The following PLXNC1 variants were observed in gnomAD, a reference collection of about 807,000 sequenced individuals.
PLXNC1 encodes the protein plexin C1.
Under a neutral mutation model 178.2 loss-of-function variants are expected in PLXNC1, and 75 were observed. That is an observed-to-expected ratio of 0.42 (90% CI 0.35 to 0.51). PLXNC1 has a LOEUF of 0.51. Among genes scored for constraint, PLXNC1 ranks in the 20% least tolerant of loss-of-function variants. The pLI is 0.02. For synonymous variants in PLXNC1, 790 were observed against 779.9 expected (o/e 1.01, Z -0.22); for missense variants, 1,503 against 1,984.4 (o/e 0.76, Z 4.61).
intron 2 of PLXNC1, among the ~76,000 whole-genome samples, chr12:94,180,475 A>G (rs1389938950): frequency 6.6e-6 from 1 of 152,132 alleles, no homozygotes; most frequent in Non-Finnish European, 1.5e-5. Flanking sequence ...CCATACACAC[A>G]CAGGAATGTA....
chr12:94,263,201 C>T (rs541970575), intron 20 of PLXNC1, among the ~76,000 whole-genome samples: 13 of 152,068 alleles, frequency 8.5e-5, no homozygotes, highest in African/African-American at 3.1e-4. Context: ...TCCCCCACCG[C>T]CTCCCCGCCC....
chr12:94,280,071 T>C (rs955567130), intron 22 of PLXNC1: 1 of 343,018 alleles, frequency 2.9e-6, no homozygotes, highest in Non-Finnish European at 5.7e-6. Context: ...GCTCAGACTC[T>C]GGGTGTTAAC....
chr12:94,296,263 T>G (rs909593600), intron 24 of PLXNC1, among the ~76,000 whole-genome samples: 2 of 152,162 alleles, frequency 1.3e-5, no homozygotes, highest in African/African-American at 4.8e-5. Context: ...TGGGCTCAAA[T>G]GATCCTCCCA....
rs1373213516 is a variant in PLXNC1, at chr12:94,306,143, G to A, written c.*858G>A. On this transcript the variant is annotated 3_prime_UTR_variant, in exon 31 of 31. Coordinates refer to ENST00000258526, the MANE Select transcript of PLXNC1 (RefSeq NM_005761.3). ...TTTGATCAGAACGATCTGTGGAAGA[G>A]TAACTCCATTTCTATATGAGTGAGT... is the stretch of plus-strand genomic sequence containing the variant. The A allele has an allele frequency of 6.6e-6, 1 of 151,970 alleles. No individual in the cohort carries two copies. The highest frequency in any genetic ancestry group is 2.4e-5 in the African/African-American group (1 of 41,350). 9.4% of individuals were successfully genotyped at this position (151,970 alleles called of 1,614,324 possible).
chr12:94,195,930 G>C (rs1001880581), intron 4 of PLXNC1, among the ~76,000 whole-genome samples: 1 of 152,166 alleles, frequency 6.6e-6, no homozygotes, highest in Non-Finnish European at 1.5e-5. Flanking sequence ...AGAATTACAT[G>C]AGTTGCTTGT....
At chr12:94,287,856 T>C (rs1341438519) in intron 23 of PLXNC1, among the ~76,000 whole-genome samples, 1 of 152,254 alleles carries the variant, frequency 6.6e-6, no homozygotes, top group Non-Finnish European at 1.5e-5. Flanking sequence ...TACTGGGTAC[T>C]GTTCTAGGGC....
At chr12:94,296,581 C>T (rs553522671) in intron 24 of PLXNC1, among the ~76,000 whole-genome samples, 1 of 152,292 alleles carries the variant, frequency 6.6e-6, no homozygotes, top group East Asian at 1.9e-4. Flanking sequence ...CTGTGAGCAC[C>T]ACCTCATTGT....
At chr12:94,236,570 G>A (rs192946758) in intron 9 of PLXNC1, among the ~76,000 whole-genome samples, 37 of 152,296 alleles carry the variant, frequency 2.4e-4, no homozygotes, top group Admixed American at 2.2e-3. Flanking sequence ...TTCACCAAAC[G>A]TCATGTGATT....
chr12:94,177,804 AT>A (rs1336867438), intron 2 of PLXNC1, among the ~76,000 whole-genome samples: 1 of 152,198 alleles, frequency 6.6e-6, no homozygotes, highest in East Asian at 1.9e-4. Context: ...GCAGCTCCTA[AT>A]TTACGTAAAA....
chr12:94,291,045 G>T (rs1356011957), intron 23 of PLXNC1, among the ~76,000 whole-genome samples: 1 of 152,176 alleles, frequency 6.6e-6, no homozygotes, highest in Non-Finnish European at 1.5e-5. Context: ...GCACTTCCTT[G>T]CTTGGGGATT....
chr12:94,287,491 C>A (rs1184048335), intron 23 of PLXNC1, among the ~76,000 whole-genome samples: 2 of 152,200 alleles, frequency 1.3e-5, no homozygotes, highest in Non-Finnish European at 1.5e-5. Context: ...TGCACCCGCA[C>A]CCTGCTATGG....
rs1969022391 is a variant in PLXNC1 at position 94,306,401 on chromosome 12, A to G, written c.*1116A>G. Reference sequence around the variant, plus strand: ...CCTCGCAGGAGAAAGAATTTAAAATACCCATTTTATTCATGCCTTTCTTTT... The same window carrying G: ...CCTCGCAGGAGAAAGAATTTAAAATGCCCATTTTATTCATGCCTTTCTTTT... On this transcript the variant is annotated 3_prime_UTR_variant, in exon 31 of 31. Coordinates refer to ENST00000258526, the MANE Select transcript of PLXNC1 (RefSeq NM_005761.3). 1 of 152,160 alleles carries G rather than the reference A, an allele frequency of 6.6e-6. No individual in the cohort carries two copies. The highest frequency in any genetic ancestry group is 6.6e-5 in the Admixed American group (1 of 15,260). The allele number at this position is 152,160 out of a possible 1,614,324, so 9.4% of individuals were successfully genotyped here.
chr12:94,226,714 T>G lies in PLXNC1; in HGVS notation c.1893+7T>G. The G allele has an allele frequency of 6.3e-7, 1 of 1,594,358 alleles. No individual in the cohort carries two copies. Among genetic ancestry groups the G allele is most frequent in the Non-Finnish European group, 8.6e-7 (1 of 1,162,308 alleles). ...TGATTATGAGAGAAACCAGGTAAAG[T>G]GACATTTTTGGTATTGTAAGTCTTA... is the stretch of plus-strand genomic sequence containing the variant. On this transcript the variant is annotated splice_region_variant and intron_variant, in intron 8 of 30. Coordinates refer to ENST00000258526, the MANE Select transcript of PLXNC1 (RefSeq NM_005761.3).
chr12:94,263,813 C>A (rs535530303), intron 20 of PLXNC1, among the ~76,000 whole-genome samples: 1 of 152,264 alleles, frequency 6.6e-6, no homozygotes, highest in South Asian at 2.1e-4. Context: ...GGGATAGAAG[C>A]TGCAGGGTGG....
At chr12:94,216,249 C>G (rs924347749) in intron 5 of PLXNC1, among the ~76,000 whole-genome samples, 1 of 135,110 alleles carries the variant, frequency 7.4e-6, no homozygotes, top group African/African-American at 2.8e-5. Flanking sequence ...GCCTGGCTGA[C>G]AAGAGCAAAA....
At chr12:94,234,225 T>G (rs761862084) in intron 9 of PLXNC1, among the ~76,000 whole-genome samples, 2 of 152,190 alleles carry the variant, frequency 1.3e-5, no homozygotes, top group Non-Finnish European at 2.9e-5. Context: ...TTCTTTTCAA[T>G]CATAGCAGTA....
At chr12:94,170,722 G>T (rs1961812354) in intron 2 of PLXNC1, among the ~76,000 whole-genome samples, 1 of 149,538 alleles carries the variant, frequency 6.7e-6, no homozygotes, top group African/African-American at 2.4e-5. Flanking sequence ...TGAGTGCCTG[G>T]TAGGCATTTG....
chr12:94,225,561 G>A (rs1241652275), intron 7 of PLXNC1, among the ~76,000 whole-genome samples: 1 of 152,174 alleles, frequency 6.6e-6, no homozygotes, highest in African/African-American at 2.4e-5. Context: ...GAATTAAATA[G>A]AATTATATAG....
intron 6 of PLXNC1, among the ~76,000 whole-genome samples, chr12:94,222,527 C>A (rs1963824561): frequency 6.6e-6 from 1 of 152,232 alleles, no homozygotes; most frequent in Non-Finnish European, 1.5e-5. Flanking sequence ...CCTCCATGCA[C>A]ACCCCTATCT....
Sources: gnomAD v4.1 joint callset for allele counts (sites outside exome capture counted in the v4.1 genomes callset) on GRCh38, gnomAD v4.1.1 for gene constraint, MANE v1.5 for transcripts, NCBI Gene and HGNC (gene_info 2026-07-23, HGNC 2026-07-21) for gene names.